MTUS2: variants seen among roughly 807,000 people sequenced by gnomAD.
The protein encoded by MTUS2 is microtubule associated scaffold protein 2.
In MTUS2, 40 loss-of-function variants were observed where a neutral mutation model predicts 114.1. The ratio of observed to expected loss-of-function variants is 0.35; its 90% CI spans 0.27 to 0.46. The LOEUF is 0.46. MTUS2 is among the 20% of genes least tolerant of loss of function. The pLI is 1.00. For missense variants in MTUS2, 1,679 were observed against 1,705.4 expected, an observed-to-expected ratio of 0.98 and a Z score of 0.27; for synonymous variants, 688 against 672.0, an observed-to-expected ratio of 1.02 and a Z score of -0.37.
intron 8 of MTUS2, among the ~76,000 whole-genome samples, chr13:29,407,206 A>G (rs894150393): frequency 2.0e-5 from 3 of 152,162 alleles, no homozygotes; most frequent in African/African-American, 7.2e-5. Context: ...AGGTCGTGCC[A>G]TGGCACTCCA....
intron 9 of MTUS2, among the ~76,000 whole-genome samples, chr13:29,450,155 A>G (rs574515712): frequency 6.6e-6 from 1 of 152,212 alleles, no homozygotes; most frequent in Non-Finnish European, 1.5e-5. Flanking sequence ...TCTGGGGGGA[A>G]GTGTCCAGGA....
In MTUS2 at chr13:29,371,986, C is replaced by CA. The variant is rs1188090385; in HGVS notation, c.3117+12513_3117+12514insA. Reference sequence around the variant, plus strand: ...GTGTCCTCAACCCCCGCCCCCCCCCCCACACACACACACAAGCACAAAAGG... The same window carrying CA: ...GTGTCCTCAACCCCCGCCCCCCCCCCACACACACACACACAAGCACAAAAGG... On this transcript the variant is annotated intron_variant, in intron 8 of 15. Coordinates refer to ENST00000612955, the MANE Select transcript of MTUS2 (RefSeq NM_001033602.4). 3.4e-4 allele frequency among the ~76,000 whole-genome samples: 21 copies of CA among 61,868 alleles called. 1 individual carries two copies. Among genetic ancestry groups the CA allele is most frequent in the African/African-American group, 4.2e-4 (9 of 21,286 alleles). The allele number at this position is 61,868 out of a possible 152,430, so 40.6% of individuals were successfully genotyped here.
At chr13:29,078,172 C>T (rs1008239969) in intron 4 of MTUS2, among the ~76,000 whole-genome samples, 1 of 152,100 alleles carries the variant, frequency 6.6e-6, no homozygotes, top group Non-Finnish European at 1.5e-5. Context: ...AGCTTCTTTG[C>T]ATGAGATTTG....
At position 29,411,794 on chromosome 13, in the gene MTUS2, AT is replaced by A. The variant is rs777439403; in HGVS notation, c.3118-28184del. On this transcript the variant is annotated intron_variant, in intron 8 of 15. Transcript: ENST00000612955. ...TTTTCCTCAGAGAGATGTTTTGCATATTTTTGATGAGCTTCTTCCTGTGTAT... is the reference window on the plus strand; with the variant it reads ...TTTTCCTCAGAGAGATGTTTTGCATATTTTGATGAGCTTCTTCCTGTGTAT... 3.8e-4 allele frequency among the ~76,000 whole-genome samples: 58 copies of A among 152,260 alleles called. 1 individual carries two copies. Among genetic ancestry groups the A allele is most frequent in the Non-Finnish European group, 7.5e-4 (51 of 68,024 alleles).
At chr13:29,226,872 C>T (rs375488461) in intron 5 of MTUS2, among the ~76,000 whole-genome samples, 26 of 152,134 alleles carry the variant, frequency 1.7e-4, no homozygotes, top group African/African-American at 5.8e-4. Context: ...TGTTTGATCT[C>T]AGAATCCTTT....
chr13:28,994,688 A>G (rs1740397691), intron 2 of MTUS2, among the ~76,000 whole-genome samples: 1 of 152,154 alleles, frequency 6.6e-6, no homozygotes, highest in African/African-American at 2.4e-5. Flanking sequence ...TTTTGGCTGC[A>G]AAAATGTCTT....
At chr13:28,832,869 G>A (rs1049767165) in intron 1 of MTUS2, among the ~76,000 whole-genome samples, 1 of 151,602 alleles carries the variant, frequency 6.6e-6, no homozygotes, top group Non-Finnish European at 1.5e-5. Flanking sequence ...AGAAGAATCA[G>A]TTATTAAAAT....
chr13:29,239,503 A>C (rs1896656930), intron 5 of MTUS2: 1 of 152,204 alleles, frequency 6.6e-6, no homozygotes, highest in Admixed American at 6.5e-5. Context: ...GTCTTCTTCT[A>C]TTAATTTGCT....
At position 29,090,505 on chromosome 13, in the gene MTUS2, A is replaced by ACATG. The variant is rs1221049724; in HGVS notation, c.2447-10266_2447-10263dup. Among the ~76,000 whole-genome samples the ACATG allele has an allele frequency of 5.3e-5, 8 of 152,334 alleles. No homozygotes were observed. In the South Asian group the frequency reaches 6.2e-4, roughly 12 times the overall value. ...TGACTGGGGGAGGCTGCAAGCAAGC[A>ACATG]CATGCCAGTGAAGGAAGGCTGTAGC... On this transcript the variant is annotated intron_variant, in intron 4 of 15. Coordinates refer to ENST00000612955, the MANE Select transcript of MTUS2 (RefSeq NM_001033602.4).
rs1380547795 is a variant in MTUS2, at chr13:28,872,969, A to G, written c.-243+33119A>G. On this transcript the variant is annotated intron_variant, in intron 2 of 15. Coordinates refer to ENST00000612955, the MANE Select transcript of MTUS2 (RefSeq NM_001033602.4). ...AAATACACAATTCCTTCAACAGACT[A>G]ACAGTAAATCTGACAGCTGACTTCT... 3.3e-5 allele frequency among the ~76,000 whole-genome samples: 5 copies of G among 152,356 alleles called. No homozygotes were observed. In the East Asian group the frequency reaches 9.6e-4, roughly 29 times the overall value.
intron 2 of MTUS2, among the ~76,000 whole-genome samples, chr13:28,862,384 G>A (rs371190912): frequency 6.6e-6 from 1 of 152,234 alleles, no homozygotes; most frequent in Non-Finnish European, 1.5e-5. Context: ...GCCGAGGCGG[G>A]TGCATCACCT....
At chr13:28,960,194 C>T (rs1015040926) in intron 2 of MTUS2, among the ~76,000 whole-genome samples, 7 of 152,194 alleles carry the variant, frequency 4.6e-5, no homozygotes, top group Non-Finnish European at 8.8e-5. Flanking sequence ...CACATCACAC[C>T]CACTAGGATG....
At chr13:29,275,648 C>T (rs1593251022) in intron 5 of MTUS2, among the ~76,000 whole-genome samples, 2 of 152,308 alleles carry the variant, frequency 1.3e-5, no homozygotes, top group Middle Eastern at 3.4e-3. Context: ...TGGCTTACTT[C>T]ACTTAATATA....
intron 1 of MTUS2, among the ~76,000 whole-genome samples, chr13:28,821,399 C>T (rs969845761): frequency 2.0e-5 from 3 of 152,202 alleles, no homozygotes; most frequent in Non-Finnish European, 4.4e-5. Context: ...AAAGATCCTA[C>T]ATGTATACTT....
chr13:29,346,339 T>C (rs752969716), intron 7 of MTUS2, among the ~76,000 whole-genome samples: 2 of 152,098 alleles, frequency 1.3e-5, no homozygotes, highest in Non-Finnish European at 2.9e-5. Context: ...GATTTAGGCA[T>C]GTCTGGGCTC....
intron 2 of MTUS2, among the ~76,000 whole-genome samples, chr13:28,966,724 CAAA>C (rs10597818): frequency 0.3 from 24,448 of 82,348 alleles, 1,619 homozygotes; most frequent in East Asian, 0.43. Flanking sequence ...GACCCTGTCT[CAAA>C]AAAAAAAAAA....
At chr13:28,898,412 T>C (rs1183495772) in intron 2 of MTUS2, among the ~76,000 whole-genome samples, 1 of 152,182 alleles carries the variant, frequency 6.6e-6, no homozygotes, top group Non-Finnish European at 1.5e-5. Context: ...ATGTTCCTCG[T>C]GGGTTGTTGT....
chr13:29,449,640 C>G (rs1369469048), intron 9 of MTUS2, among the ~76,000 whole-genome samples: 1 of 151,324 alleles, frequency 6.6e-6, no homozygotes, highest in African/African-American at 2.4e-5. Flanking sequence ...GTATCTATAG[C>G]ATTCGCACCC....
rs149530492 is a variant in MTUS2, at chr13:29,370,218, G to A, written c.3117+10745G>A. Among the ~76,000 whole-genome samples, 659 of 152,078 alleles carry A rather than the reference G, an allele frequency of 4.3e-3. 4 individuals carry two copies. The highest frequency in any genetic ancestry group is 0.015 in the African/African-American group (635 of 41,476). ...GAGAGAAAATGGTTTTTTAAAAAAC[G>A]TGCTATGGTTTGCATGTGTCCCCCA... On this transcript the variant is annotated intron_variant, in intron 8 of 15. Coordinates refer to ENST00000612955, the MANE Select transcript of MTUS2 (RefSeq NM_001033602.4).
Sources: gnomAD v4.1 joint callset for allele counts (sites outside exome capture counted in the v4.1 genomes callset) on GRCh38, gnomAD v4.1.1 for gene constraint, MANE v1.5 for transcripts, NCBI Gene and HGNC (gene_info 2026-07-23, HGNC 2026-07-21) for gene names.